The following CACNA2D1 variants were observed in gnomAD, a reference collection of about 807,000 sequenced individuals.
CACNA2D1 encodes voltage-dependent calcium channel subunit alpha-2/delta-1.
A neutral mutation model predicts 171.5 loss-of-function variants in CACNA2D1; 53 were observed. The observed-to-expected ratio is 0.31, with a 90% CI of 0.25 to 0.39. CACNA2D1 has a LOEUF of 0.39. Among genes scored for constraint, CACNA2D1 ranks in the 10% least tolerant of loss-of-function variants. CACNA2D1 has a pLI of 1.00. For missense variants in CACNA2D1, 903 were observed against 1,299.8 expected, an observed-to-expected ratio of 0.69 and a Z score of 4.69; for synonymous variants, 442 against 443.1, an observed-to-expected ratio of 1.00 and a Z score of 0.03.
At chr7:82,057,566 GA>G (rs56383976) in intron 10 of CACNA2D1, among the ~76,000 whole-genome samples, 138,186 of 150,000 alleles carry the variant, frequency 0.92, 64,418 homozygotes, top group Non-Finnish European at 1. Context: ...AGACCTACAA[GA>G]AAAAAAAAAA....
chr7:82,002,655 A>G (rs1465968445), intron 18 of CACNA2D1, among the ~76,000 whole-genome samples: 1 of 152,202 alleles, frequency 6.6e-6, no homozygotes, highest in East Asian at 1.9e-4. Flanking sequence ...GAGATATCTA[A>G]TTAAGTAGAC....
intron 3 of CACNA2D1, among the ~76,000 whole-genome samples, chr7:82,333,939 C>T (rs1817683888): frequency 6.6e-6 from 1 of 152,004 alleles, no homozygotes; most frequent in Non-Finnish European, 1.5e-5. Flanking sequence ...CTCTACAATA[C>T]TAATAATTAA....
intron 3 of CACNA2D1, among the ~76,000 whole-genome samples, chr7:82,295,790 C>T (rs958015942): frequency 6.6e-6 from 1 of 151,980 alleles, no homozygotes; most frequent in Non-Finnish European, 1.5e-5. Context: ...AATCATGCTG[C>T]TATAAAGACA....
At chr7:82,143,843 C>T (rs1792676528) in intron 4 of CACNA2D1, among the ~76,000 whole-genome samples, 1 of 152,168 alleles carries the variant, frequency 6.6e-6, no homozygotes, top group African/African-American at 2.4e-5. Context: ...GAGAAAATTA[C>T]ACACCAGTAA....
At chr7:82,113,189 T>C (rs1436700528) in intron 6 of CACNA2D1, among the ~76,000 whole-genome samples, 2 of 152,122 alleles carry the variant, frequency 1.3e-5, no homozygotes, top group Non-Finnish European at 2.9e-5. Flanking sequence ...GTTATTCTTA[T>C]AGAAATATAA....
intron 5 of CACNA2D1, among the ~76,000 whole-genome samples, chr7:82,129,349 T>C (rs919029070): frequency 6.6e-6 from 1 of 152,182 alleles, no homozygotes; most frequent in Non-Finnish European, 1.5e-5. Context: ...GATGATTATA[T>C]CTGATACATG....
At chr7:82,185,409 T>G (rs1353287845) in intron 3 of CACNA2D1, among the ~76,000 whole-genome samples, 2 of 146,122 alleles carry the variant, frequency 1.4e-5, no homozygotes, top group African/African-American at 5.1e-5. Flanking sequence ...AAAGGAGCAA[T>G]GTTACTATCA....
At chr7:82,374,076 C>G (rs1822735897) in intron 1 of CACNA2D1, among the ~76,000 whole-genome samples, 1 of 152,164 alleles carries the variant, frequency 6.6e-6, no homozygotes, top group Non-Finnish European at 1.5e-5. Flanking sequence ...CAGACATGAA[C>G]AACATTCAAG....
At chr7:82,425,858 G>A (rs1427425224) in intron 1 of CACNA2D1, among the ~76,000 whole-genome samples, 4 of 151,222 alleles carry the variant, frequency 2.6e-5, no homozygotes, top group Admixed American at 6.6e-5. Context: ...GCTGGGCGTG[G>A]TGGCTCACTC....
intron 4 of CACNA2D1, among the ~76,000 whole-genome samples, chr7:82,144,855 T>C (rs1384203116): frequency 6.6e-6 from 1 of 152,024 alleles, no homozygotes; most frequent in East Asian, 1.9e-4. Flanking sequence ...CAGAGTTTTA[T>C]TTAAAAAGAT....
chr7:82,358,702 G>A (rs1427385082), intron 1 of CACNA2D1, among the ~76,000 whole-genome samples: 2 of 151,500 alleles, frequency 1.3e-5, no homozygotes, highest in Admixed American at 6.6e-5. Context: ...GTGTGTGTGC[G>A]TGCATCTGTG....
intron 12 of CACNA2D1, among the ~76,000 whole-genome samples, chr7:82,026,097 C>G (rs1420490345): frequency 2.0e-5 from 3 of 147,816 alleles, no homozygotes; most frequent in African/African-American, 7.4e-5. Flanking sequence ...ATAAATGTAG[C>G]TATCCATACT....
Position 82,117,097 on chromosome 7 carries a change from T to C in CACNA2D1, c.473A>G (p.Gln158Arg). 1 of 1,613,972 alleles carries C rather than the reference T, an allele frequency of 6.2e-7. No individual in the cohort carries two copies. The highest frequency in any genetic ancestry group is 1.1e-5 in the South Asian group (1 of 91,084). Residue 158 changes from glutamine to arginine, a missense_variant, in exon 6 of 39, where the codon CAA becomes CGA. Transcript: ENST00000356860. ...GACTGCTGCGTGCTGATAAGATATT[T>C]GTCGTCCAAAATTAGCATCTTCAAT... Reference protein sequence around the residue: ...VFIEDANFGRQISYQHAAVHI... With the variant: ...VFIEDANFGRRISYQHAAVHI...
chr7:82,181,329 C>G (rs1014076452), intron 3 of CACNA2D1, among the ~76,000 whole-genome samples: 1 of 152,078 alleles, frequency 6.6e-6, no homozygotes, highest in East Asian at 1.9e-4. Flanking sequence ...TAACTAGTGT[C>G]ATCTTTATTT....
At chr7:82,379,549 T>C (rs1823449673) in intron 1 of CACNA2D1, among the ~76,000 whole-genome samples, 1 of 152,204 alleles carries the variant, frequency 6.6e-6, no homozygotes, top group East Asian at 1.9e-4. Flanking sequence ...AAAGGACATT[T>C]AGGAAAACGT....
chr7:82,020,335 C>G (rs749838659), intron 12 of CACNA2D1, among the ~76,000 whole-genome samples: 2 of 152,132 alleles, frequency 1.3e-5, no homozygotes, highest in Non-Finnish European at 2.9e-5. Context: ...TGTAGATTAC[C>G]ATCTTGACTC....
At chr7:82,242,458 A>G (rs1469696795) in intron 3 of CACNA2D1, among the ~76,000 whole-genome samples, 1 of 152,114 alleles carries the variant, frequency 6.6e-6, no homozygotes, top group Admixed American at 6.6e-5. Flanking sequence ...CACTACAGCT[A>G]TTTTACCTTT....
intron 25 of CACNA2D1, among the ~76,000 whole-genome samples, chr7:81,974,078 T>C (rs1319046533): frequency 6.6e-6 from 1 of 152,000 alleles, no homozygotes; most frequent in East Asian, 1.9e-4. Flanking sequence ...ATTATATTAT[T>C]TGAAGCATAT....
chr7:82,159,814 C>T (rs1450672872), intron 4 of CACNA2D1, among the ~76,000 whole-genome samples: 1 of 90,848 alleles, frequency 1.1e-5, no homozygotes, highest in Non-Finnish European at 2.3e-5. Flanking sequence ...TTTAGGAAAT[C>T]ATGCAAAATG....
Sources: gnomAD v4.1 joint callset for allele counts (sites outside exome capture counted in the v4.1 genomes callset) on GRCh38, gnomAD v4.1.1 for gene constraint, MANE v1.5 for transcripts, NCBI Gene and HGNC (gene_info 2026-07-23, HGNC 2026-07-21) for gene names.